The following PCDH15 variants were observed in gnomAD, a reference collection of about 807,000 sequenced individuals.
PCDH15 encodes the protein protocadherin-15.
In PCDH15, 129 loss-of-function variants were observed where a neutral mutation model predicts 178.5. The observed-to-expected ratio is 0.72, with a 90% CI of 0.63 to 0.84. PCDH15 has a LOEUF of 0.84. PCDH15 is among the 40% of genes least tolerant of loss of function. The pLI is 0.00. For synonymous variants in PCDH15, 800 were observed against 732.0 expected (o/e 1.09, Z -1.50); for missense variants, 2,230 against 2,099.9 (o/e 1.06, Z -1.21).
chr10:55,265,769 G>A (rs892563029), intron 1 of PCDH15, among the ~76,000 whole-genome samples: 2 of 152,000 alleles, frequency 1.3e-5, no homozygotes, highest in African/African-American at 2.4e-5. Flanking sequence ...TCTCTATCTC[G>A]TGATTCAGTC....
intron 27 of PCDH15, among the ~76,000 whole-genome samples, chr10:53,859,233 A>G (rs1006200786): frequency 1.3e-5 from 2 of 152,120 alleles, no homozygotes; most frequent in African/African-American, 4.8e-5. Context: ...TCCTGGCCTC[A>G]GGACAGAGGA....
intron 21 of PCDH15, among the ~76,000 whole-genome samples, chr10:53,980,118 G>A (rs1316086186): frequency 6.6e-6 from 1 of 151,930 alleles, no homozygotes; most frequent in East Asian, 1.9e-4. Flanking sequence ...CTACTTGGGA[G>A]GCTGAGGTAG....
intron 5 of PCDH15, 65 bp downstream of exon 5, chr10:54,369,055 T>C (rs1947241909): frequency 4.6e-6 from 7 of 1,536,048 alleles, no homozygotes. Flanking sequence ...TTATAAACAT[T>C]TATTGTATAT....
chr10:53,939,031 G>A, intron 24 of PCDH15, 76 bp from the exon 25 acceptor site: 1 of 1,471,386 alleles, frequency 6.8e-7, no homozygotes, highest in South Asian at 1.1e-5. Context: ...AAGGCACTGT[G>A]ATTTCAAAAA....
intron 21 of PCDH15, among the ~76,000 whole-genome samples, chr10:53,966,652 C>T (rs191701192): frequency 1.3e-5 from 2 of 151,698 alleles, no homozygotes; most frequent in Non-Finnish European, 2.9e-5. Flanking sequence ...ATTTTGAAAC[C>T]CAGAATTTCA....
intron 1 of PCDH15, among the ~76,000 whole-genome samples, chr10:55,282,049 G>A (rs1168275653): frequency 6.6e-6 from 1 of 152,006 alleles, no homozygotes; most frequent in Non-Finnish European, 1.5e-5. Flanking sequence ...TTTCCCCAGC[G>A]CCAAGAAAGA....
At chr10:54,066,960 C>G in intron 17 of PCDH15, 75 bp from the exon 18 acceptor site, 1 of 1,435,714 alleles carries the variant, frequency 7.0e-7, no homozygotes, top group African/African-American at 1.4e-5. Flanking sequence ...GTCATTCTGG[C>G]ATTTGTCTAT....
chr10:54,571,839 T>C (rs1442587976), intron 2 of PCDH15, among the ~76,000 whole-genome samples: 3 of 152,172 alleles, frequency 2.0e-5, no homozygotes, highest in African/African-American at 7.2e-5. Flanking sequence ...TTTGGACCCA[T>C]GTTCCAATTC....
At chr10:54,102,635 C>T (rs971471856) in intron 15 of PCDH15, among the ~76,000 whole-genome samples, 1 of 152,186 alleles carries the variant, frequency 6.6e-6, no homozygotes, top group Non-Finnish European at 1.5e-5. Flanking sequence ...TTTTGATTTA[C>T]TATTTTTCTA....
At chr10:55,604,652 A>G (rs1481160311) in intron 2 of PCDH15, among the ~76,000 whole-genome samples, 3 of 149,512 alleles carry the variant, frequency 2.0e-5, no homozygotes, top group Admixed American at 6.7e-5. Flanking sequence ...ACTACTGGGT[A>G]CATAACGAAA....
intron 2 of PCDH15, among the ~76,000 whole-genome samples, chr10:55,483,822 A>AC (rs1295905646): frequency 4.6e-5 from 7 of 151,522 alleles, no homozygotes; most frequent in Admixed American, 2.6e-4. Flanking sequence ...TCTCAAAAAA[A>AC]AAAAAAAAAA....
chr10:53,878,507 TATAC>T (rs2080447265), intron 26 of PCDH15, among the ~76,000 whole-genome samples: 1 of 137,892 alleles, frequency 7.3e-6, no homozygotes, highest in Non-Finnish European at 1.5e-5. Context: ...ATATTATATA[TATAC>T]GTGTGTGTGT....
chr10:54,668,533 G>T lies in PCDH15; in HGVS notation c.-28-4243C>A, dbSNP rs78789448. On this transcript the variant is annotated intron_variant, in intron 1 of 37. Transcript: ENST00000644397. ...GATTTCTGTCCATCTCTTGGAAGGA[G>T]AATAAAGGTCTTTCACTGCCTTTCA... is the stretch of plus-strand genomic sequence containing the variant. 1.3e-3 allele frequency among the ~76,000 whole-genome samples: 197 copies of T among 152,208 alleles called. 2 individuals are homozygous for T. In the East Asian group the frequency reaches 0.032, roughly 25 times the overall value.
chr10:55,154,130 T>C (rs1838818123), intron 2 of PCDH15, among the ~76,000 whole-genome samples: 1 of 152,116 alleles, frequency 6.6e-6, no homozygotes, highest in African/African-American at 2.4e-5. Context: ...TGTACATATA[T>C]TCAGATAATT....
At chr10:55,331,902 G>A (rs531166423) in intron 2 of PCDH15, among the ~76,000 whole-genome samples, 8 of 151,894 alleles carry the variant, frequency 5.3e-5, no homozygotes, top group African/African-American at 1.9e-4. Context: ...AGCGTTCCAT[G>A]ATAATGGAAA....
intron 2 of PCDH15, among the ~76,000 whole-genome samples, chr10:55,404,505 A>G (rs576633718): frequency 7.7e-4 from 117 of 152,104 alleles, no homozygotes; most frequent in African/African-American, 2.6e-3. Context: ...ACAGTTTTAT[A>G]TATAAAATGC....
At chr10:54,135,456 A>ACAAAATGTATTGTATACTG (rs1379394876) in intron 14 of PCDH15, among the ~76,000 whole-genome samples, 1 of 152,194 alleles carries the variant, frequency 6.6e-6, no homozygotes, top group Non-Finnish European at 1.5e-5. Context: ...ATGGGAAGTT[A>ACAAAATGTATTGTATACTG]CAAAATGTAT....
intron 1 of PCDH15, among the ~76,000 whole-genome samples, chr10:54,711,069 A>G (rs2095423972): frequency 6.6e-6 from 1 of 152,002 alleles, no homozygotes; most frequent in Non-Finnish European, 1.5e-5. Flanking sequence ...GGTTTATTTA[A>G]TGGTCACTTC....
At chr10:55,081,994 C>T (rs1214613932) in intron 2 of PCDH15, among the ~76,000 whole-genome samples, 2 of 152,162 alleles carry the variant, frequency 1.3e-5, no homozygotes, top group East Asian at 3.9e-4. Context: ...TCAACACCCC[C>T]ACTTTTAGCA....
Sources: allele counts gnomAD v4.1 joint callset (sites outside exome capture counted in the v4.1 genomes callset), GRCh38; gene constraint gnomAD v4.1.1; transcripts MANE v1.5; gene names NCBI Gene and HGNC (gene_info 2026-07-23, HGNC 2026-07-21).